The following LRBA variants were observed in gnomAD, a reference collection of about 807,000 sequenced individuals.
LRBA encodes the protein LPS responsive beige-like anchor protein, also known as lipopolysaccharide-responsive and beige-like anchor protein.
In LRBA, 176 loss-of-function variants were observed where a neutral mutation model predicts 330.0. The observed-to-expected ratio is 0.53, with a 90% CI of 0.47 to 0.60. The LOEUF (loss-of-function observed/expected upper bound fraction) is 0.60, where lower values mean the gene tolerates loss of function less well. LRBA is among the 20% of genes least tolerant of loss of function. The probability of loss-of-function intolerance (pLI) is 0.00; values close to 1 mark genes in which losing one functional copy is unlikely to be tolerated. For synonymous variants in LRBA, 1,230 were observed against 1,193.0 expected (o/e 1.03, Z -0.64); for missense variants, 3,259 against 3,444.8 (o/e 0.95, Z 1.35).
chr4:150,513,381 C>T (rs961440696), intron 40 of LRBA, among the ~76,000 whole-genome samples: 1 of 152,120 alleles, frequency 6.6e-6, no homozygotes, highest in Non-Finnish European at 1.5e-5. Flanking sequence ...AAGGCAGAGG[C>T]CAGATCTTAC....
Position 150,465,960 on chromosome 4 carries a change from A to C in LRBA, c.6780+1713T>G, listed in dbSNP as rs181056718. Among the ~76,000 whole-genome samples the C allele has an allele frequency of 2.4e-3, 369 of 152,208 alleles. 2 individuals are homozygous for C. The highest frequency in any genetic ancestry group is 5.8e-3 in the African/African-American group (241 of 41,548). On this transcript the variant is annotated intron_variant, in intron 44 of 56. Transcript: ENST00000651943. ...TGTTAAAATTATAATAAATTATGAAATGTATTATAACAAGTATATGGAAAG... is the reference window on the plus strand; with the variant it reads ...TGTTAAAATTATAATAAATTATGAACTGTATTATAACAAGTATATGGAAAG...
intron 35 of LRBA, among the ~76,000 whole-genome samples, chr4:150,745,515 G>C (rs1463114124): frequency 6.6e-6 from 1 of 151,886 alleles, no homozygotes; most frequent in South Asian, 2.1e-4. Flanking sequence ...TTTGTTTTTT[G>C]TTTTTTGTTT....
chr4:150,919,606 A>G (rs1280844976), intron 5 of LRBA, among the ~76,000 whole-genome samples: 1 of 152,074 alleles, frequency 6.6e-6, no homozygotes, highest in Non-Finnish European at 1.5e-5. Flanking sequence ...AGAAAAAAGG[A>G]AAAGAATAAT....
At chr4:150,347,154 T>C (rs1007911123) in intron 48 of LRBA, among the ~76,000 whole-genome samples, 8 of 152,166 alleles carry the variant, frequency 5.3e-5, no homozygotes, top group Non-Finnish European at 2.9e-5. Flanking sequence ...TTCTATGAGG[T>C]ATTCAGGGTA....
At chr4:150,559,131 C>T (rs560264979) in intron 40 of LRBA, among the ~76,000 whole-genome samples, 1 of 152,024 alleles carries the variant, frequency 6.6e-6, no homozygotes, top group African/African-American at 2.4e-5. Context: ...CAAATGAAGA[C>T]TATTCTGTTA....
intron 30 of LRBA, among the ~76,000 whole-genome samples, chr4:150,825,514 C>G (rs191250712): frequency 2.8e-4 from 43 of 152,106 alleles, no homozygotes; most frequent in African/African-American, 1.0e-3. Context: ...TTACAGGCAC[C>G]CGCCACCACG....
chr4:150,868,267 G>A lies in LRBA; in HGVS notation c.2488C>T (p.Pro830Ser). The A allele has an allele frequency of 1.9e-6, 3 of 1,612,048 alleles. No individual in the cohort carries two copies. The highest frequency in any genetic ancestry group is 2.5e-6 in the Non-Finnish European group (3 of 1,178,584). ...KVIATLLRNS[P>S]QCPESMEVRR... ...ACCTCCATGCTCTCTGGGCACTGGG[G>A]AGAATTTCGAAGTAGGGTCGCAATT... The change falls in exon 21 of 57, where the codon CCC (proline) becomes TCC (serine). Residue 830 changes from proline to serine, a missense_variant. Physicochemically the swap from Pro to Ser is moderately conservative, Grantham distance 74. Coordinates refer to ENST00000651943, the MANE Select transcript of LRBA (RefSeq NM_001364905.1).
intron 40 of LRBA, among the ~76,000 whole-genome samples, chr4:150,548,887 C>T (rs899946566): frequency 6.6e-6 from 1 of 152,008 alleles, no homozygotes; most frequent in Non-Finnish European, 1.5e-5. Flanking sequence ...TTAAATTGTC[C>T]AAGGTTACAT....
chr4:150,908,599 C>T, intron 10 of LRBA, 61 bp downstream of exon 10: 2 of 1,486,654 alleles, frequency 1.3e-6, no homozygotes, highest in South Asian at 2.5e-5. Context: ...CTACCAAATA[C>T]ATCTCAATAA....
rs60575230 is a variant in LRBA at position 150,621,092 on chromosome 4, G to GAA, written c.5922-21963_5922-21962dup. Among the ~76,000 whole-genome samples the GAA allele has an allele frequency of 9.8e-4, 144 of 147,654 alleles. 2 individuals carry two copies. Among genetic ancestry groups the GAA allele is most frequent in the South Asian group, 2.1e-3 (10 of 4,674 alleles). ...GCCTCCAACTTCTTTCCCTTCTTCG[G>GAA]AAAAAAAAAAATGCAATAAAATAAA... On this transcript the variant is annotated intron_variant, in intron 37 of 56. Coordinates refer to ENST00000651943, the MANE Select transcript of LRBA (RefSeq NM_001364905.1).
At chr4:150,589,942 T>C (rs1338641835) in intron 39 of LRBA, among the ~76,000 whole-genome samples, 3 of 152,162 alleles carry the variant, frequency 2.0e-5, no homozygotes, top group African/African-American at 7.2e-5. Context: ...TCTTTTTGCT[T>C]TTCATTACCA....
rs370609135 is a variant in LRBA, at chr4:150,848,949, G to C, written c.4208C>G (p.Ser1403Cys). Residue 1403 changes from serine (S) to cysteine (C), a missense_variant, in exon 26 of 57, where the codon TCT becomes TGT. Coordinates refer to ENST00000651943, the MANE Select transcript of LRBA (RefSeq NM_001364905.1). ...EPTQGLSIEA[S>C]VTFLQRLISL... is the part of the protein sequence containing the mutation. ...AATTAGCCTCTGCAAAAATGTCACA[G>C]AGGCTTCTATTGAAAGGCCTTGAGT... The C allele has an allele frequency of 3.7e-6, 6 of 1,611,952 alleles. No individual in the cohort carries two copies. Among genetic ancestry groups the C allele is most frequent in the Non-Finnish European group, 5.1e-6 (6 of 1,179,136 alleles).
intron 38 of LRBA, among the ~76,000 whole-genome samples, chr4:150,591,755 A>C (rs916786934): frequency 1.3e-4 from 20 of 152,076 alleles, no homozygotes; most frequent in Admixed American, 7.2e-4. Flanking sequence ...ATGGAGGAAA[A>C]GAGAACACAT....
At chr4:150,760,109 T>C (rs1734870852) in intron 35 of LRBA, among the ~76,000 whole-genome samples, 1 of 152,204 alleles carries the variant, frequency 6.6e-6, no homozygotes, top group Non-Finnish European at 1.5e-5. Context: ...TTTGTGTATT[T>C]AATCGACAGC....
intron 47 of LRBA, among the ~76,000 whole-genome samples, chr4:150,400,077 C>T (rs1745264777): frequency 6.6e-6 from 1 of 152,134 alleles, no homozygotes; most frequent in African/African-American, 2.4e-5. Flanking sequence ...GAGAACACAG[C>T]CATTTTAGAG....
At chr4:150,633,163 G>A (rs1777554006) in intron 37 of LRBA, among the ~76,000 whole-genome samples, 1 of 152,188 alleles carries the variant, frequency 6.6e-6, no homozygotes, top group Admixed American at 6.5e-5. Flanking sequence ...TATTAGCTAT[G>A]TTATTAGCTG....
At chr4:150,681,883 A>T (rs1783084790) in intron 37 of LRBA, among the ~76,000 whole-genome samples, 1 of 152,158 alleles carries the variant, frequency 6.6e-6, no homozygotes, top group Non-Finnish European at 1.5e-5. Flanking sequence ...TTCTAGATAA[A>T]TACATTTCAT....
At chr4:150,514,115 C>G (rs780455821) in intron 40 of LRBA, among the ~76,000 whole-genome samples, 2 of 152,138 alleles carry the variant, frequency 1.3e-5, no homozygotes, top group Non-Finnish European at 2.9e-5. Flanking sequence ...TCTTGTCACC[C>G]AGGCTGGAGT....
At chr4:150,381,667 A>G (rs533445154) in intron 47 of LRBA, among the ~76,000 whole-genome samples, 25 of 151,734 alleles carry the variant, frequency 1.6e-4, no homozygotes, top group African/African-American at 5.8e-4. Context: ...ACATTAATGA[A>G]TATGTTTTTG....
Sources: allele counts gnomAD v4.1 joint callset (sites outside exome capture counted in the v4.1 genomes callset), GRCh38; gene constraint gnomAD v4.1.1; transcripts MANE v1.5; gene names NCBI Gene and HGNC (gene_info 2026-07-23, HGNC 2026-07-21).